The following THAP10 variants were observed in gnomAD, a reference collection of about 807,000 sequenced individuals.
The protein encoded by THAP10 is THAP domain containing 10.
In THAP10, 10 loss-of-function variants were observed where a neutral mutation model predicts 15.7. The observed-to-expected ratio is 0.64, with a 90% CI of 0.39 to 1.08. The LOEUF (loss-of-function observed/expected upper bound fraction) is 1.08. Among genes scored for constraint, THAP10 ranks in the 50% least tolerant of loss-of-function variants. The probability of loss-of-function intolerance (pLI) is 0.01; values close to 1 mark genes in which losing one functional copy is unlikely to be tolerated. For missense variants in THAP10, 310 were observed against 330.9 expected, an observed-to-expected ratio of 0.94 and a Z score of 0.49; for synonymous variants, 127 against 129.1, an observed-to-expected ratio of 0.98 and a Z score of 0.11.
chr15:70,892,180 C>G lies in THAP10; in HGVS notation c.93G>C (p.Leu31=), dbSNP rs752762366. 6.2e-7 allele frequency: 1 copy of G among 1,610,692 alleles called. No homozygotes were observed. Among genetic ancestry groups the G allele is most frequent in the Non-Finnish European group, 8.5e-7 (1 of 1,178,626 alleles). Residue 31 remains leucine, a synonymous_variant, in exon 1 of 3, where the codon CTG becomes CTC. Coordinates refer to ENST00000249861, the MANE Select transcript of THAP10 (RefSeq NM_020147.4). Reference sequence around the variant, plus strand: ...AACCCCGCACGAAGCGGTCCCAGAGCAGCCGCACGGCCCGGTCCTTGGGAA... The same window carrying G: ...AACCCCGCACGAAGCGGTCCCAGAGGAGCCGCACGGCCCGGTCCTTGGGAA... ...FRFPKDRAVR[L]LWDRFVRGCR...
chr15:70,890,996 C>A (rs187510405), intron 1 of THAP10, among the ~76,000 whole-genome samples: 5 of 152,146 alleles, frequency 3.3e-5, no homozygotes, highest in African/African-American at 1.2e-4. Flanking sequence ...TAAATACCCA[C>A]CCCAATGTAG....
chr15:70,887,487 A>G (rs1221657690), intron 1 of THAP10, among the ~76,000 whole-genome samples: 1 of 152,162 alleles, frequency 6.6e-6, no homozygotes, highest in Non-Finnish European at 1.5e-5. Flanking sequence ...AATCAATATA[A>G]TTTACTATAT....
intron 1 of THAP10, among the ~76,000 whole-genome samples, chr15:70,889,373 A>C (rs2141090643): frequency 6.6e-6 from 1 of 152,244 alleles, no homozygotes; most frequent in African/African-American, 2.4e-5. Flanking sequence ...CCCCCAAAAA[A>C]AAGCAAACTT....
At chr15:70,885,665 T>G (rs2033387193) in intron 1 of THAP10, among the ~76,000 whole-genome samples, 1 of 152,204 alleles carries the variant, frequency 6.6e-6, no homozygotes, top group African/African-American at 2.4e-5. Flanking sequence ...CTTCAAAATA[T>G]ATACATACCT....
chr15:70,884,252 T>C (rs2033344155), intron 1 of THAP10, among the ~76,000 whole-genome samples: 1 of 152,038 alleles, frequency 6.6e-6, no homozygotes, highest in Non-Finnish European at 1.5e-5. Context: ...TAAAGAAACT[T>C]TGTGGCCACA....
chr15:70,885,524 C>T (rs2033383431), intron 1 of THAP10, among the ~76,000 whole-genome samples: 1 of 152,064 alleles, frequency 6.6e-6, no homozygotes, highest in African/African-American at 2.4e-5. Context: ...AACCATAGGA[C>T]AGAATAATGC....
intron 1 of THAP10, 109 bp downstream of exon 1, chr15:70,891,735 A>G (rs1391256025): frequency 9.7e-7 from 1 of 1,027,804 alleles, no homozygotes; most frequent in East Asian, 2.6e-5. Flanking sequence ...TTTGCAGATT[A>G]GAAAACAGGA....
chr15:70,883,359 T>C (rs2141085210), intron 1 of THAP10, among the ~76,000 whole-genome samples: 1 of 151,830 alleles, frequency 6.6e-6, no homozygotes, highest in South Asian at 2.1e-4. Context: ...GCCCAGCTAA[T>C]TTTTTTGTAT....
In THAP10 at chr15:70,882,552, A is replaced by C; in HGVS notation, c.676T>G (p.Tyr226Asp). 1 of 1,613,920 alleles carries C rather than the reference A, an allele frequency of 6.2e-7. No individual in the cohort carries two copies. The highest frequency in any genetic ancestry group is 8.5e-7 in the Non-Finnish European group (1 of 1,179,810). The change falls in exon 3 of 3, where the codon TAC (tyrosine) becomes GAC (aspartate). Residue 226 changes from tyrosine to aspartate, a missense_variant. Transcript: ENST00000249861. ...GTATCTGTTTCTGAATCACTGGAGT[A>C]AATGTCAAAGAGAGAGGAAGTTCTA... ...WSRTSSLFDI[Y>D]SSDSETDTDW... is the part of the protein sequence containing the mutation.
At chr15:70,886,756 C>T (rs1452498771) in intron 1 of THAP10, among the ~76,000 whole-genome samples, 2 of 152,058 alleles carry the variant, frequency 1.3e-5, no homozygotes, top group African/African-American at 4.8e-5. Context: ...ATCCCAGCTA[C>T]TCGGGAGGCT....
At chr15:70,891,183 A>G (rs2033549640) in intron 1 of THAP10, among the ~76,000 whole-genome samples, 1 of 152,240 alleles carries the variant, frequency 6.6e-6, no homozygotes, top group Non-Finnish European at 1.5e-5. Context: ...TACGTGGGGA[A>G]GAAGGTAGTA....
rs2033284672 is a variant in THAP10, at chr15:70,882,396, A to C, written c.*58T>G. On this transcript the variant is annotated 3_prime_UTR_variant, in exon 3 of 3. Coordinates refer to ENST00000249861, the MANE Select transcript of THAP10 (RefSeq NM_020147.4). ...AAAGATTTACAATAGCAAAGAGATA[A>C]TTATGTGAGTAAAGATTTGAAAATC... 1.5e-6 allele frequency: 2 copies of C among 1,321,444 alleles called. No individual in the cohort carries two copies. Among genetic ancestry groups the C allele is most frequent in the Non-Finnish European group, 2.1e-6 (2 of 943,536 alleles). 81.9% of individuals were successfully genotyped at this position (1,321,444 alleles called of 1,614,324 possible).
In THAP10 at chr15:70,882,566, G is replaced by C. The variant is rs1183092377; in HGVS notation, c.662C>G (p.Ser221Cys). 1 of 1,613,936 alleles carries C rather than the reference G, an allele frequency of 6.2e-7. No individual in the cohort carries two copies. The highest frequency in any genetic ancestry group is 8.5e-7 in the Non-Finnish European group (1 of 1,179,862). ...ATCACTGGAGTAAATGTCAAAGAGA[G>C]AGGAAGTTCTAGACCACAATTCCTC... is the stretch of plus-strand genomic sequence containing the variant. ...QTEELWSRTS[S>C]LFDIYSSDSE... is the part of the protein sequence containing the mutation. Residue 221 changes from serine (S) to cysteine (C), a missense_variant, in exon 3 of 3, where the codon TCT (serine) becomes TGT (cysteine). Transcript: ENST00000249861.
intron 1 of THAP10, among the ~76,000 whole-genome samples, chr15:70,891,565 C>CTG (rs1491474980): frequency 3.6e-4 from 43 of 119,064 alleles, no homozygotes; most frequent in South Asian, 1.5e-3. Context: ...CAGGACAAGA[C>CTG]TCTGTGTGTG....
Position 70,892,412 on chromosome 15 carries a change from T to C in THAP10, c.-140A>G, listed in dbSNP as rs1270905427. The stretch of plus-strand genomic sequence containing the variant: ...TCGGGATTGTTTCCTTCCCTACCTC[T>C]GGTCACCGGAAGTGGCGATCTGGGG... On this transcript the variant is annotated 5_prime_UTR_variant, in exon 1 of 3. Coordinates refer to ENST00000249861, the MANE Select transcript of THAP10 (RefSeq NM_020147.4). 1.3e-6 allele frequency: 2 copies of C among 1,539,582 alleles called. No individual in the cohort carries two copies. The highest frequency in any genetic ancestry group is 3.9e-5 in the Admixed American group (2 of 50,924).
chr15:70,887,189 T>C (rs953780429), intron 1 of THAP10, among the ~76,000 whole-genome samples: 1 of 152,050 alleles, frequency 6.6e-6, no homozygotes, highest in Non-Finnish European at 1.5e-5. Flanking sequence ...CAAATATTAA[T>C]ACCAAATTTA....
chr15:70,884,458 T>C (rs1163439718), intron 1 of THAP10, among the ~76,000 whole-genome samples: 1 of 151,852 alleles, frequency 6.6e-6, no homozygotes, highest in Non-Finnish European at 1.5e-5. Context: ...AGGCAGAGGT[T>C]GCAGTGAGCC....
chr15:70,892,259 C>A lies in THAP10; in HGVS notation c.14G>T (p.Cys5Phe), dbSNP rs1490977948. The change falls in exon 1 of 3, where the codon TGT (cysteine) becomes TTT (phenylalanine). Residue 5 changes from cysteine (C) to phenylalanine (F), a missense_variant. Transcript: ENST00000249861. ...GGTGTTGCCGCAGTGGGCGGCCACA[C>A]AACGGGCCGGCATGGCGGCCGTCTT... MPAR[C>F]VAAHCGNTTK... The A allele has an allele frequency of 6.4e-7, 1 of 1,573,766 alleles. No homozygotes were observed. Among genetic ancestry groups the A allele is most frequent in the South Asian group, 1.2e-5 (1 of 86,512 alleles).
chr15:70,885,825 T>C (rs2033391868), intron 1 of THAP10, among the ~76,000 whole-genome samples: 1 of 152,166 alleles, frequency 6.6e-6, no homozygotes, highest in Non-Finnish European at 1.5e-5. Flanking sequence ...CAAAAGGATA[T>C]AGGAAATTTA....
Sources: allele counts gnomAD v4.1 joint callset (sites outside exome capture counted in the v4.1 genomes callset), GRCh38; gene constraint gnomAD v4.1.1; transcripts MANE v1.5; gene names NCBI Gene and HGNC (gene_info 2026-07-23, HGNC 2026-07-21).